The following PCCA variants were observed in gnomAD, a reference collection of about 807,000 sequenced individuals.
PCCA encodes the protein propionyl-CoA carboxylase subunit alpha.
In PCCA, 74 loss-of-function variants were observed where a neutral mutation model predicts 101.3. That is an observed-to-expected ratio of 0.73 (90% CI 0.61 to 0.89). PCCA has a LOEUF of 0.89. Among genes scored for constraint, PCCA ranks in the 40% least tolerant of loss-of-function variants. The probability of loss-of-function intolerance (pLI) is 0.00; values close to 1 mark genes in which losing one functional copy is unlikely to be tolerated. For missense variants in PCCA, 891 were observed against 907.0 expected, an observed-to-expected ratio of 0.98 and a Z score of 0.23; for synonymous variants, 294 against 313.6, an observed-to-expected ratio of 0.94 and a Z score of 0.66.
At position 100,157,293 on chromosome 13, in the gene PCCA, C is replaced by A. The variant is rs763190357; in HGVS notation, c.421C>A (p.Pro141Thr). 6.2e-7 allele frequency: 1 copy of A among 1,609,706 alleles called. No individual in the cohort carries two copies. The highest frequency in any genetic ancestry group is 2.2e-5 in the East Asian group (1 of 44,798). Residue 141 changes from proline (P) to threonine (T), a missense_variant, in exon 6 of 24, where the codon CCA becomes ACA. Physicochemically the swap from Pro to Thr is conservative, Grantham distance 38 (BLOSUM62 -1). Transcript: ENST00000376285. ...IKKTRAQAVH[P>T]GYGFLSENKE... is the part of the protein sequence containing the mutation. ...TTTTGCTTTCATTTCTAAGGTACAT[C>A]CAGGTTATGGATTCCTTTCAGAAAA...
chr13:100,528,477 G>A (rs1355768692), intron 23 of PCCA, among the ~76,000 whole-genome samples: 4 of 152,256 alleles, frequency 2.6e-5, no homozygotes, highest in African/African-American at 9.6e-5. Flanking sequence ...GGGACATCAG[G>A]TGCAAAGAGA....
intron 6 of PCCA, among the ~76,000 whole-genome samples, chr13:100,184,145 A>G (rs746937521): frequency 1.3e-5 from 2 of 152,206 alleles, no homozygotes; most frequent in Admixed American, 1.3e-4. Flanking sequence ...CACGTCTTAC[A>G]TGAACAGAGC....
rs966728868 is a variant in PCCA, at chr13:100,394,062, C to T, written c.1746+25488C>T. On this transcript the variant is annotated intron_variant, in intron 19 of 23. Transcript: ENST00000376285. This position sits in a 1 kb window ranked among gnomAD's most constrained non-coding sequence, Gnocchi z 4.3. ...AACATTGTTGTAGAGCCTCTGTATGCGTCAGCTGTGACTGAGTGTTTTGAT... is the reference window on the plus strand; with the variant it reads ...AACATTGTTGTAGAGCCTCTGTATGTGTCAGCTGTGACTGAGTGTTTTGAT... 1.3e-5 allele frequency among the ~76,000 whole-genome samples: 2 copies of T among 152,172 alleles called. No individual in the cohort carries two copies. Among genetic ancestry groups the T allele is most frequent in the Non-Finnish European group, 2.9e-5 (2 of 68,040 alleles).
At chr13:100,140,583 A>T (rs553823298) in intron 4 of PCCA, among the ~76,000 whole-genome samples, 1 of 152,118 alleles carries the variant, frequency 6.6e-6, no homozygotes, top group African/African-American at 2.4e-5. Flanking sequence ...GGTCAGGGAG[A>T]TCATGGGAGG....
chr13:100,144,230 A>G, intron 4 of PCCA, among the ~76,000 whole-genome samples: 1 of 152,170 alleles, frequency 6.6e-6, no homozygotes, highest in African/African-American at 2.4e-5. Flanking sequence ...GCTATTTGTA[A>G]TACTCATCTG....
At chr13:100,162,278 C>T (rs1329877590) in intron 6 of PCCA, among the ~76,000 whole-genome samples, 1 of 152,072 alleles carries the variant, frequency 6.6e-6, no homozygotes, top group African/African-American at 2.4e-5. Flanking sequence ...GGAATACCTA[C>T]CTGCAGGTAA....
At chr13:100,338,959 TCCAAATAAGTTTAGG>T (rs1343037808) in intron 17 of PCCA, among the ~76,000 whole-genome samples, 1 of 152,088 alleles carries the variant, frequency 6.6e-6, no homozygotes. Context: ...CTTCATTTCT[TCCAAATAAGTTTAGG>T]CAACTAGTTT....
chr13:100,296,325 C>T (rs1050475248), intron 12 of PCCA, among the ~76,000 whole-genome samples: 2 of 152,024 alleles, frequency 1.3e-5, no homozygotes, highest in South Asian at 4.2e-4. Flanking sequence ...ACTGCAGCCT[C>T]GACTTCCTGG....
At chr13:100,423,211 C>T (rs1264739777) in intron 19 of PCCA, among the ~76,000 whole-genome samples, 1 of 152,068 alleles carries the variant, frequency 6.6e-6, no homozygotes, top group East Asian at 1.9e-4. Context: ...CACGAAATGC[C>T]ACCTCCACTC....
chr13:100,311,826 A>C (rs997588128), intron 16 of PCCA, among the ~76,000 whole-genome samples: 1 of 152,224 alleles, frequency 6.6e-6, no homozygotes, highest in South Asian at 2.1e-4. Flanking sequence ...TCCATTAGTC[A>C]TATGAAATTT....
intron 21 of PCCA, among the ~76,000 whole-genome samples, chr13:100,454,800 A>G (rs1000265534): frequency 2.0e-5 from 3 of 152,220 alleles, no homozygotes; most frequent in African/African-American, 4.8e-5. Context: ...ACTTAAAAAT[A>G]ATTCATTTCA....
At chr13:100,392,930 G>C (rs1473712920) in intron 19 of PCCA, among the ~76,000 whole-genome samples, 18 of 152,132 alleles carry the variant, frequency 1.2e-4, no homozygotes, top group Admixed American at 1.2e-3. Flanking sequence ...CCCAGGGAAG[G>C]TCAAGTGACT....
chr13:100,373,347 A>C (rs1487011963), intron 19 of PCCA, among the ~76,000 whole-genome samples: 1 of 152,342 alleles, frequency 6.6e-6, no homozygotes, highest in East Asian at 1.9e-4. Context: ...ATATAAAATG[A>C]TGTGGTTACT....
chr13:100,363,819 A>G (rs1325318673), intron 18 of PCCA, among the ~76,000 whole-genome samples: 1 of 152,194 alleles, frequency 6.6e-6, no homozygotes, highest in South Asian at 2.1e-4. Context: ...TTTTATGTTT[A>G]TACAGTCTTC....
intron 22 of PCCA, among the ~76,000 whole-genome samples, chr13:100,521,869 A>G (rs2087326498): frequency 6.6e-6 from 1 of 152,124 alleles, no homozygotes; most frequent in Non-Finnish European, 1.5e-5. Flanking sequence ...AGAAGTGGAA[A>G]CTGCAGCGGG....
intron 16 of PCCA, among the ~76,000 whole-genome samples, chr13:100,318,672 T>C (rs2152711050): frequency 6.6e-6 from 1 of 152,248 alleles, no homozygotes; most frequent in South Asian, 2.1e-4. Flanking sequence ...CATCATTTTT[T>C]ACGGCTGCAT....
rs1427622749 is a variant in PCCA at position 100,418,835 on chromosome 13, AAAAAAAAAAAG to A, written c.1747-6791_1747-6781del. Among the ~76,000 whole-genome samples the A allele has an allele frequency of 1.4e-4, 4 of 29,112 alleles. No individual in the cohort carries two copies. In the East Asian group the frequency reaches 6.3e-3, roughly 46 times the overall value. 19.1% of individuals were successfully genotyped at this position (29,112 alleles called of 152,430 possible). A position where few individuals can be genotyped will look rare whatever the true frequency, so the allele number is the denominator to read the frequency against. ...GGCAAGAGAGTGAGACTCCACCTCA[AAAAAAAAAAAG>A]AAAAAAGAAGAAAAAAAAGGACAGC... On this transcript the variant is annotated intron_variant, in intron 19 of 23. Coordinates refer to ENST00000376285, the MANE Select transcript of PCCA (RefSeq NM_000282.4).
chr13:100,118,206 T>A (rs2049016036), intron 4 of PCCA, among the ~76,000 whole-genome samples: 1 of 152,088 alleles, frequency 6.6e-6, no homozygotes, highest in Non-Finnish European at 1.5e-5. Context: ...GTAATAAGTA[T>A]GGTTTTCTAC....
At chr13:100,291,887 A>C (rs2065153344) in intron 12 of PCCA, among the ~76,000 whole-genome samples, 2 of 152,172 alleles carry the variant, frequency 1.3e-5, no homozygotes. Context: ...TTCCTTTCAC[A>C]TTCTTCCCTA....
Sources: allele counts gnomAD v4.1 joint callset (sites outside exome capture counted in the v4.1 genomes callset), GRCh38; gene constraint gnomAD v4.1.1; non-coding constraint Gnocchi (gnomAD v3.1); transcripts MANE v1.5; gene names NCBI Gene and HGNC (gene_info 2026-07-23, HGNC 2026-07-21).